The following TANC1 variants were observed in gnomAD, a reference collection of about 807,000 sequenced individuals.
TANC1 encodes tetratricopeptide repeat, ankyrin repeat and coiled-coil containing 1, also known as protein TANC1.
Under a neutral mutation model 149.7 loss-of-function variants are expected in TANC1, and 77 were observed. The observed-to-expected ratio is 0.51, with a 90% confidence interval of 0.43 to 0.62. TANC1 has a LOEUF of 0.62. Ranked by LOEUF, TANC1 falls within the 20% of genes least tolerant of loss-of-function variation. TANC1 has a pLI of 0.00. For missense variants in TANC1, 1,985 were observed against 2,321.8 expected, an observed-to-expected ratio of 0.85 and a Z score of 2.98; for synonymous variants, 854 against 925.0, an observed-to-expected ratio of 0.92 and a Z score of 1.39.
intron 5 of TANC1, 130 bp downstream of exon 5, chr2:159,136,428 T>G: frequency 1.6e-6 from 1 of 622,600 alleles, no homozygotes; most frequent in Non-Finnish European, 2.9e-6. Context: ...TATTTTCCCC[T>G]CCAGCAGTTA....
intron 2 of TANC1, chr2:159,056,622 A>C: frequency 6.2e-6 from 1 of 160,370 alleles, no homozygotes; most frequent in Non-Finnish European, 1.4e-5. Flanking sequence ...GCCAGGTTTC[A>C]GTTTTTCATG....
intron 1 of TANC1, among the ~76,000 whole-genome samples, chr2:158,989,609 C>CAAAA (rs35891573): frequency 4.6e-5 from 4 of 87,584 alleles, no homozygotes; most frequent in East Asian, 3.1e-4. Flanking sequence ...GACTCAGTCT[C>CAAAA]AAAAAAAAAA....
rs115827568 is a variant in TANC1 at position 159,136,328 on chromosome 2, C to T, written c.364+30C>T. 1.2e-3 allele frequency: 1,470 copies of T among 1,259,712 alleles called. 12 individuals are homozygous for T. In the African/African-American group the frequency reaches 0.019, roughly 16 times the overall value. The allele number at this position is 1,259,712 out of a possible 1,614,324, so 78.0% of individuals were successfully genotyped here. ...GAATTTCAGTGATTTCCTTCCCCCTCTACCAAAGATTTTATACAATGACAC... is the reference window on the plus strand; with the variant it reads ...GAATTTCAGTGATTTCCTTCCCCCTTTACCAAAGATTTTATACAATGACAC... On this transcript the variant is annotated intron_variant, in intron 5 of 26. Transcript: ENST00000263635.
chr2:159,211,315 T>G (rs2058967550), intron 19 of TANC1, among the ~76,000 whole-genome samples: 1 of 152,252 alleles, frequency 6.6e-6, no homozygotes, highest in Non-Finnish European at 1.5e-5. Flanking sequence ...TAGAAGAAAT[T>G]GTGTCCAATT....
rs1484972577 is a variant in TANC1, at chr2:159,196,610, G to A, written c.2982G>A (p.Val994=). ...CCTTCCCCTACTCCTGCCCCCAGGT[G>A]GACCACTTGGATAAGAAGGGCCAGT... ...VCLLTKKGVR[V]DHLDKKGQCA... The change falls in exon 18 of 27, where the codon GTG becomes GTA. Residue 994 remains valine, a splice_region_variant and synonymous_variant. Coordinates refer to ENST00000263635, the MANE Select transcript of TANC1 (RefSeq NM_033394.3). The A allele has an allele frequency of 6.3e-7, 1 of 1,596,218 alleles. No individual in the cohort carries two copies. The highest frequency in any genetic ancestry group is 1.3e-5 in the African/African-American group (1 of 74,338).
rs530986145 is a variant in TANC1 at position 159,136,740 on chromosome 2, C to CT, written c.364+449dup. 6.9e-4 allele frequency among the ~76,000 whole-genome samples: 79 copies of CT among 114,748 alleles called. No homozygotes were observed. The Middle Eastern group carries it at 0.035, about 50-fold the overall frequency. 75.3% of individuals were successfully genotyped at this position (114,748 alleles called of 152,430 possible). A position where few individuals can be genotyped will look rare whatever the true frequency, so the allele number is the denominator to read the frequency against. ...AGCATTTGGTGTCTTTTGAAGGCTGCTTTTTTTAACATCTGAAGTTTTTCT... is the reference window on the plus strand; with the variant it reads ...AGCATTTGGTGTCTTTTGAAGGCTGCTTTTTTTTAACATCTGAAGTTTTTCT... On this transcript the variant is annotated intron_variant, in intron 5 of 26. Transcript: ENST00000263635.
chr2:159,088,637 C>T (rs1001274377), intron 3 of TANC1, among the ~76,000 whole-genome samples: 1 of 152,184 alleles, frequency 6.6e-6, no homozygotes, highest in Non-Finnish European at 1.5e-5. Context: ...GCTTTGAATG[C>T]GGCCCAACAA....
chr2:159,108,697 C>T (rs1231711061), intron 4 of TANC1, among the ~76,000 whole-genome samples: 4 of 152,150 alleles, frequency 2.6e-5, no homozygotes, highest in Non-Finnish European at 4.4e-5. Context: ...CGTGCGTCTG[C>T]GTCTGTTGGC....
chr2:159,183,134 G>A (rs1367335543), intron 14 of TANC1, among the ~76,000 whole-genome samples: 1 of 152,198 alleles, frequency 6.6e-6, no homozygotes, highest in Non-Finnish European at 1.5e-5. Flanking sequence ...GGTTAGAGAC[G>A]GGCCTTGCTG....
chr2:159,211,814 G>A (rs1177971898), intron 19 of TANC1, among the ~76,000 whole-genome samples: 2 of 152,082 alleles, frequency 1.3e-5, no homozygotes, highest in Non-Finnish European at 2.9e-5. Flanking sequence ...TGTGTAGAAC[G>A]TGATCTGTTT....
At chr2:159,040,123 T>C (rs1452456376) in intron 2 of TANC1, among the ~76,000 whole-genome samples, 1 of 152,224 alleles carries the variant, frequency 6.6e-6, no homozygotes, top group Non-Finnish European at 1.5e-5. Context: ...CGTTGTCTCT[T>C]TTGATCTCTG....
Position 159,230,319 on chromosome 2 carries a change from G to A in TANC1, c.4893G>A (p.Leu1631=). ...AGACGAAAACCACAGAGAGGCTTCT[G>A]TCTCATTCCTCCGTGGCTGTGGACG... ...PSKTKTTERL[L]SHSSVAVDAA... Residue 1631 remains leucine, a synonymous_variant, in exon 27 of 27, where the codon CTG becomes CTA. Coordinates refer to ENST00000263635, the MANE Select transcript of TANC1 (RefSeq NM_033394.3). The surrounding 1 kb of genome is among the most constrained non-coding windows in gnomAD (Gnocchi z 4.4). 6.2e-7 allele frequency: 1 copy of A among 1,614,156 alleles called. No homozygotes were observed. The highest frequency in any genetic ancestry group is 1.1e-5 in the South Asian group (1 of 91,084).
chr2:159,171,883 A>AAAAGAAAAAG (rs1559388608), intron 10 of TANC1, among the ~76,000 whole-genome samples: 18 of 129,620 alleles, frequency 1.4e-4, no homozygotes, highest in Middle Eastern at 3.9e-3. Context: ...AAAGAAAAAG[A>AAAAGAAAAAG]AAAAAAAAAT....
At chr2:159,101,470 A>T (rs749121769) in intron 4 of TANC1, among the ~76,000 whole-genome samples, 8 of 151,668 alleles carry the variant, frequency 5.3e-5, no homozygotes, top group Non-Finnish European at 7.4e-5. Flanking sequence ...ACTCATATTG[A>T]GGTTATTATT....
chr2:159,063,756 C>T (rs1390085034), intron 2 of TANC1, among the ~76,000 whole-genome samples: 1 of 152,134 alleles, frequency 6.6e-6, no homozygotes, highest in African/African-American at 2.4e-5. Context: ...GTATGTCTAT[C>T]CTGAAAATAG....
intron 19 of TANC1, among the ~76,000 whole-genome samples, chr2:159,214,702 C>A (rs2059236947): frequency 6.6e-6 from 1 of 152,180 alleles, no homozygotes; most frequent in Admixed American, 6.5e-5. Flanking sequence ...CTGGCAGATG[C>A]CTGCTCCCTC....
chr2:159,192,399 T>G (rs1242450042), intron 16 of TANC1, among the ~76,000 whole-genome samples: 1 of 152,156 alleles, frequency 6.6e-6, no homozygotes, highest in Non-Finnish European at 1.5e-5. Flanking sequence ...TCCTCCCTCC[T>G]CAGCCTCCTA....
intron 3 of TANC1, among the ~76,000 whole-genome samples, chr2:159,072,698 A>G (rs564378580): frequency 6.6e-6 from 1 of 152,186 alleles, no homozygotes; most frequent in Admixed American, 6.5e-5. Flanking sequence ...GCACACCAAC[A>G]TGGCACATGG....
chr2:159,221,529 G>A (rs2357056), intron 22 of TANC1, among the ~76,000 whole-genome samples: 140,793 of 152,292 alleles, frequency 0.92, 65,237 homozygotes, highest in Non-Finnish European at 0.96. Context: ...GCCTCTTTCT[G>A]TTCTCTGCTT....
Sources: allele counts gnomAD v4.1 joint callset (sites outside exome capture counted in the v4.1 genomes callset), GRCh38; gene constraint gnomAD v4.1.1; non-coding constraint Gnocchi (gnomAD v3.1); transcripts MANE v1.5; gene names NCBI Gene and HGNC (gene_info 2026-07-23, HGNC 2026-07-21).